The following NXPE2 variants were observed in gnomAD, a reference collection of about 807,000 sequenced individuals.
NXPE2 encodes the protein neurexophilin and PC-esterase domain family member 2, also known as NXPE family member 2.
A neutral mutation model predicts 34.4 loss-of-function variants in NXPE2; 34 were observed. The observed-to-expected ratio is 0.99, with a 90% CI of 0.75 to 1.31. NXPE2 has a LOEUF of 1.31. Among genes scored for constraint, NXPE2 ranks in the 40% most tolerant of loss-of-function variants. The pLI is 0.00. For synonymous variants in NXPE2, 235 were observed against 231.3 expected (o/e 1.02, Z -0.15); for missense variants, 649 against 672.5 (o/e 0.97, Z 0.39).
chr11:114,539,939 G>A, the NXPE2 span, among the ~76,000 whole-genome samples: 1 of 151,954 alleles, frequency 6.6e-6, no homozygotes, highest in South Asian at 2.1e-4. Flanking sequence ...ACATACTAAA[G>A]TTCCAAATGC....
the NXPE2 span, among the ~76,000 whole-genome samples, chr11:114,537,646 CAGAG>C: frequency 4.6e-5 from 7 of 152,256 alleles, no homozygotes; most frequent in East Asian, 9.6e-4. Flanking sequence ...AACAGACAAA[CAGAG>C]AGCCAAATCA....
At chr11:114,598,061 G>T in the NXPE2 span, among the ~76,000 whole-genome samples, 3 of 152,010 alleles carry the variant, frequency 2.0e-5, no homozygotes, top group East Asian at 5.8e-4. Context: ...AGATACAATG[G>T]GACTATAGGC....
chr11:114,781,351 T>C, the NXPE2 span, among the ~76,000 whole-genome samples: 1 of 152,298 alleles, frequency 6.6e-6, no homozygotes, highest in African/African-American at 2.4e-5. Flanking sequence ...ACCATCCTCA[T>C]CCCTGGCCAT....
At chr11:114,707,083 C>A (rs1311045900), downstream of NXPE2, 2 of 637,734 alleles carry the variant, frequency 3.1e-6, no homozygotes, top group Non-Finnish European at 5.2e-6. Flanking sequence ...ACCATTTAAG[C>A]CATTTTATTA....
chr11:114,604,394 A>AAC, the NXPE2 span, among the ~76,000 whole-genome samples: 22 of 152,178 alleles, frequency 1.4e-4, no homozygotes, highest in African/African-American at 4.8e-4. Flanking sequence ...AACCACTGTT[A>AAC]CATGATGGAT....
chr11:114,470,512 G>A, the NXPE2 span, among the ~76,000 whole-genome samples: 1 of 151,838 alleles, frequency 6.6e-6, no homozygotes, highest in Non-Finnish European at 1.5e-5. Context: ...TTGGTGATAT[G>A]TCTGTCCAGA....
the NXPE2 span, among the ~76,000 whole-genome samples, chr11:114,617,591 C>T: frequency 5.3e-5 from 8 of 151,938 alleles, no homozygotes; most frequent in African/African-American, 1.9e-4. Flanking sequence ...CGGTGTTACC[C>T]GGTGCATAAT....
the NXPE2 span, among the ~76,000 whole-genome samples, chr11:114,485,316 C>A: frequency 2.6e-5 from 4 of 151,274 alleles, no homozygotes; most frequent in African/African-American, 9.7e-5. Flanking sequence ...GGAAGCAATT[C>A]TCCTGCCTCA....
the NXPE2 span, among the ~76,000 whole-genome samples, chr11:114,634,881 TTGAAGTCAG>T: frequency 6.6e-6 from 1 of 152,030 alleles, no homozygotes; most frequent in Non-Finnish European, 1.5e-5. Context: ...GTAGTATAGT[TTGAAGTCAG>T]GTAGTGTGAT....
In NXPE2 at chr11:114,698,172, T is replaced by A; in HGVS notation, c.260T>A (p.Ile87Asn). Residue 87 changes from isoleucine (I) to asparagine (N), a missense_variant, in exon 3 of 6, where the codon ATT becomes AAT. Physicochemically the swap from Ile to Asn is moderately radical, Grantham distance 149. Transcript: ENST00000389586. ...GAGACTGAACTTAGAATAAAGGACA[T>A]TATGGAGAAACTAGACCAGCAGATC... ...PKETELRIKD[I>N]MEKLDQQIPP... 6.2e-7 allele frequency: 1 copy of A among 1,614,096 alleles called. No individual in the cohort carries two copies. The highest frequency in any genetic ancestry group is 8.5e-7 in the Non-Finnish European group (1 of 1,180,002).
chr11:114,655,625 A>C, the NXPE2 span, among the ~76,000 whole-genome samples: 10 of 152,308 alleles, frequency 6.6e-5, no homozygotes, highest in African/African-American at 2.4e-4. Context: ...GAGGAAGATC[A>C]GATGGTTGTA....
chr11:114,513,157 A>G, the NXPE2 span: 7 of 554,776 alleles, frequency 1.3e-5, no homozygotes, highest in Non-Finnish European at 2.2e-5. Context: ...AATCCCTGCC[A>G]TATTGCTTCC....
At chr11:114,621,570 C>A in the NXPE2 span, among the ~76,000 whole-genome samples, 1 of 152,172 alleles carries the variant, frequency 6.6e-6, no homozygotes, top group South Asian at 2.1e-4. Context: ...AGGGTAACCA[C>A]TGTTACCTGT....
chr11:114,607,349 G>A, the NXPE2 span, among the ~76,000 whole-genome samples: 13 of 151,800 alleles, frequency 8.6e-5, no homozygotes, highest in East Asian at 1.9e-4. Flanking sequence ...GTATTGCCTC[G>A]TGGGTAACCA....
the NXPE2 span, among the ~76,000 whole-genome samples, chr11:114,762,404 A>C: frequency 1.3e-5 from 2 of 152,210 alleles, no homozygotes; most frequent in African/African-American, 4.8e-5. Flanking sequence ...AATGAGGCTT[A>C]TTTAACATTC....
the NXPE2 span, among the ~76,000 whole-genome samples, chr11:114,765,069 C>T: frequency 6.6e-6 from 1 of 152,184 alleles, no homozygotes; most frequent in Non-Finnish European, 1.5e-5. Flanking sequence ...CTCCTTCTCT[C>T]CATGTGTTCC....
At chr11:114,574,348 T>A in the NXPE2 span, among the ~76,000 whole-genome samples, 1 of 149,800 alleles carries the variant, frequency 6.7e-6, no homozygotes, top group Non-Finnish European at 1.5e-5. Flanking sequence ...GAAAAAAAAA[T>A]AATGAAGATC....
chr11:114,708,228 C>T (rs1951504430), downstream of NXPE2, among the ~76,000 whole-genome samples: 2 of 152,064 alleles, frequency 1.3e-5, no homozygotes, highest in Admixed American at 1.3e-4. Flanking sequence ...CTCTAGATTC[C>T]AGTAAGAATC....
At chr11:114,632,676 T>C in the NXPE2 span, among the ~76,000 whole-genome samples, 5 of 57,686 alleles carry the variant, frequency 8.7e-5, no homozygotes, top group African/African-American at 5.2e-4. Context: ...GTATATATAT[T>C]TATATATATA....
Sources: gnomAD v4.1 joint callset for allele counts (sites outside exome capture counted in the v4.1 genomes callset) on GRCh38, gnomAD v4.1.1 for gene constraint, MANE v1.5 for transcripts, NCBI Gene and HGNC (gene_info 2026-07-23, HGNC 2026-07-21) for gene names.